The following CCDC187 variants were observed in gnomAD, a reference collection of about 807,000 sequenced individuals.
CCDC187 encodes the protein coiled-coil domain-containing protein 187.
In CCDC187, 32 loss-of-function variants were observed where a neutral mutation model predicts 38.0. That is an observed-to-expected ratio of 0.84 (90% confidence interval 0.64 to 1.13). The LOEUF (loss-of-function observed/expected upper bound fraction) is 1.13, where lower values mean the gene tolerates loss of function less well. CCDC187 is among the 50% of genes most tolerant of loss of function. The pLI, the probability that CCDC187 is intolerant of heterozygous loss-of-function variation, is 0.00. For missense variants in CCDC187, 707 were observed against 786.8 expected, an observed-to-expected ratio of 0.90 and a Z score of 1.21; for synonymous variants, 333 against 347.9, an observed-to-expected ratio of 0.96 and a Z score of 0.48.
In CCDC187 at chr9:136,253,695, C is replaced by A; in HGVS notation, c.6133G>T (p.Glu2045Ter). ...TCCTGGGTGGTGATGGCGGTGTCCT[C>A]CTCAAGGGGCCCCGAGGGCGGGGAA... ...FPSPPSGPLE[E>*]DTAITTQDLS... The change falls in exon 26 of 26, where the codon GAG (glutamate) becomes TAG (stop). Residue 2045 changes from glutamate (E) to a stop codon, truncating the protein, a stop_gained. Coordinates refer to ENST00000638797, the MANE Select transcript of CCDC187 (RefSeq NM_001378188.1). LOFTEE classifies it low-confidence loss of function (END_TRUNC). The A allele has an allele frequency of 1.0e-6, 1 of 985,560 alleles. No homozygotes were observed. The highest frequency in any genetic ancestry group is 1.2e-6 in the Non-Finnish European group (1 of 829,992). The allele number at this position is 985,560 out of a possible 1,614,324, so 61.1% of individuals were successfully genotyped here.
rs1444490582 is a variant in CCDC187, at chr9:136,303,029, G to A, written c.408C>T (p.Pro136=). The A allele has an allele frequency of 2.5e-6, 1 of 398,548 alleles. No homozygotes were observed. Among genetic ancestry groups the A allele is most frequent in the African/African-American group, 2.1e-5 (1 of 48,616 alleles). 24.7% of individuals were successfully genotyped at this position (398,548 alleles called of 1,614,324 possible). Residue 136 remains proline (P), a synonymous_variant, in exon 2 of 26, where the codon CCC becomes CCT. Coordinates refer to ENST00000638797, the MANE Select transcript of CCDC187 (RefSeq NM_001378188.1). ...DVCVSWKERP[P]QVLGPQQRPR... is the part of the protein sequence containing the mutation. ...GCCTCTGCTGGGGCCCCAACACCTG[G>A]GGTGGCCTCTCCTTCCAAGACACAC...
rs113619925 is a variant in CCDC187, at chr9:136,253,852, G to A, written c.5976C>T (p.Asp1992=). ...DVLTEILSPV[D]ELLSYGSADL... ...CGGCACTGCCGTAGGACAGCAACTC[G>A]TCCACGGGAGACAGGATCTCAGTCA... The change falls in exon 26 of 26, where the codon GAC becomes GAT. Residue 1992 remains aspartate (D), a synonymous_variant. Transcript: ENST00000638797. 32 of 985,318 alleles carry A rather than the reference G, an allele frequency of 3.2e-5. No individual in the cohort carries two copies. Among genetic ancestry groups the A allele is most frequent in the Admixed American group, 1.2e-4 (2 of 16,264 alleles). 61.0% of individuals were successfully genotyped at this position (985,318 alleles called of 1,614,324 possible). A position where few individuals can be genotyped will look rare whatever the true frequency, so the allele number is the denominator to read the frequency against.
intron 17 of CCDC187, chr9:136,265,739 T>C (rs183647282): frequency 0.014 from 2,260 of 156,334 alleles, 68 homozygotes; most frequent in African/African-American, 0.052. Context: ...CAGACACTCC[T>C]TGTGTACAGG....
rs1406517488 is a variant in CCDC187, at chr9:136,253,066, ACC to A, written c.*526_*527del. The A allele has an allele frequency of 6.6e-6, 1 of 152,372 alleles. No individual in the cohort carries two copies. Among genetic ancestry groups the A allele is most frequent in the Non-Finnish European group, 1.5e-5 (1 of 68,284 alleles). 9.4% of individuals were successfully genotyped at this position (152,372 alleles called of 1,614,324 possible). A position where few individuals can be genotyped will look rare whatever the true frequency, so the allele number is the denominator to read the frequency against. On this transcript the variant is annotated 3_prime_UTR_variant, in exon 26 of 26. Coordinates refer to ENST00000638797, the MANE Select transcript of CCDC187 (RefSeq NM_001378188.1). Reference sequence around the variant, plus strand: ...GGGGTGTGGCTGCCTTCCTGTTCTTACCCAGCATTTCTTTGGGGTCTTGGCCC... The same window carrying A: ...GGGGTGTGGCTGCCTTCCTGTTCTTACAGCATTTCTTTGGGGTCTTGGCCC...
At chr9:136,306,570 CAG>C (rs1345024840), upstream of CCDC187, among the ~76,000 whole-genome samples, 5 of 152,188 alleles carry the variant, frequency 3.3e-5, no homozygotes, top group Non-Finnish European at 7.3e-5. Flanking sequence ...GCAATCCCAC[CAG>C]AGAAAAACAG....
chr9:136,268,066 C>T lies in CCDC187; in HGVS notation c.3502G>A (p.Asp1168Asn). 5 of 985,518 alleles carry T rather than the reference C, an allele frequency of 5.1e-6. No individual in the cohort carries two copies. Among genetic ancestry groups the T allele is most frequent in the Non-Finnish European group, 6.0e-6 (5 of 829,996 alleles). The allele number at this position is 985,518 out of a possible 1,614,324, so 61.0% of individuals were successfully genotyped here. ...QLPLAKFFPP[D>N]NPTHQMLERS... ...CCACGTACCTGGTGGGTGGGGTTGT[C>T]CGGAGGGAAGAACTTGGCCAGGGGA... The change falls in exon 15 of 26, where the codon GAC becomes AAC. Residue 1168 changes from aspartate to asparagine, a missense_variant. By Grantham distance (23) the Asp-to-Asn change is conservative. Coordinates refer to ENST00000638797, the MANE Select transcript of CCDC187 (RefSeq NM_001378188.1).
chr9:136,304,935 G>A (rs983302295), upstream of CCDC187, among the ~76,000 whole-genome samples: 20 of 152,186 alleles, frequency 1.3e-4, no homozygotes, highest in Non-Finnish European at 2.5e-4. Flanking sequence ...CCTCCTCCAG[G>A]CTCACGCTAT....
At chr9:136,306,492 G>A (rs926496247), upstream of CCDC187, among the ~76,000 whole-genome samples, 5 of 152,290 alleles carry the variant, frequency 3.3e-5, no homozygotes, top group South Asian at 6.2e-4. Flanking sequence ...CTGGAAGAGC[G>A]TTCCAGGGCC....
In CCDC187 at chr9:136,257,376, T is replaced by TA. The variant is rs1830625759; in HGVS notation, c.4367-536dup. 6.8e-6 allele frequency among the ~76,000 whole-genome samples: 1 copy of TA among 147,036 alleles called. No individual in the cohort carries two copies. Among genetic ancestry groups the TA allele is most frequent in the Non-Finnish European group, 1.5e-5 (1 of 66,722 alleles). ...AGAGAGTGAGACTTTGTCTCAAAAT[T>TA]ATAATAATAATAATAATAATAATAA... On this transcript the variant is annotated intron_variant, in intron 22 of 25. Transcript: ENST00000638797. The surrounding 1 kb of genome is among the most constrained non-coding windows in gnomAD (Gnocchi z 4.5).
Position 136,265,967 on chromosome 9 carries a change from C to T in CCDC187, c.3724G>A (p.Glu1242Lys), listed in dbSNP as rs536175745. 5.6e-5 allele frequency: 55 copies of T among 985,586 alleles called. No homozygotes were observed. In the African/African-American group the frequency reaches 8.9e-4, roughly 16 times the overall value. 61.1% of individuals were successfully genotyped at this position (985,586 alleles called of 1,614,324 possible). A position where few individuals can be genotyped will look rare whatever the true frequency, so the allele number is the denominator to read the frequency against. Residue 1242 changes from glutamate (E) to lysine (K), a missense_variant, in exon 17 of 26, where the codon GAG becomes AAG. By Grantham distance (56) the Glu-to-Lys change is moderately conservative. Coordinates refer to ENST00000638797, the MANE Select transcript of CCDC187 (RefSeq NM_001378188.1). Reference sequence around the variant, plus strand: ...TGTGCTGGCCCCACCTGCTCCTTCTCCAATCTGCTGAGGGCTTGCTGCTGC... The same window carrying T: ...TGTGCTGGCCCCACCTGCTCCTTCTTCAATCTGCTGAGGGCTTGCTGCTGC... ...EKQQQALSRL[E>K]KEQREIQYLR...
intron 24 of CCDC187, 80 bp from the exon 25 acceptor site, chr9:136,255,813 C>G (rs937625554): frequency 1.4e-6 from 1 of 702,192 alleles, no homozygotes; most frequent in African/African-American, 1.9e-5. Context: ...TCAGGGACCC[C>G]ACCAGGCTCA....
At chr9:136,263,870 G>T in intron 17 of CCDC187, 72 bp from the exon 18 acceptor site, 1 of 948,298 alleles carries the variant, frequency 1.1e-6, no homozygotes, top group Non-Finnish European at 1.3e-6. Flanking sequence ...CAAAAGGGAA[G>T]GGGTGTCTGG....
chr9:136,254,625 T>C lies in CCDC187; in HGVS notation c.5203A>G (p.Lys1735Glu), dbSNP rs147723911. 0.023 allele frequency: 22,264 copies of C among 985,490 alleles called. 278 individuals are homozygous for C. Among genetic ancestry groups the C allele is most frequent in the Middle Eastern group, 0.027 (51 of 1,914 alleles). 61.0% of individuals were successfully genotyped at this position (985,490 alleles called of 1,614,324 possible). A position where few individuals can be genotyped will look rare whatever the true frequency, so the allele number is the denominator to read the frequency against. ...AEVSAPEQSPKAGWLLPFPDI... is the reference protein window; with the variant it reads ...AEVSAPEQSPEAGWLLPFPDI... The stretch of plus-strand genomic sequence containing the variant: ...GGGAAAGGCAGTAGCCAGCCTGCCT[T>C]TGGGCTTTGCTCCGGCGCTGAAACT... The change falls in exon 26 of 26, where the codon AAG (lysine) becomes GAG (glutamate). Residue 1735 changes from lysine (K) to glutamate (E), a missense_variant. Lys to Glu is a moderately conservative substitution (Grantham distance 56). Transcript: ENST00000638797.
chr9:136,305,903 G>A (rs2131377862), upstream of CCDC187, among the ~76,000 whole-genome samples: 1 of 152,322 alleles, frequency 6.6e-6, no homozygotes, highest in South Asian at 2.1e-4. Context: ...ACCAGCTGAG[G>A]CTTCCAGACG....
In CCDC187 at chr9:136,286,323, G is replaced by A; in HGVS notation, c.2595C>T (p.Cys865=). The A allele has an allele frequency of 2.5e-6, 1 of 398,650 alleles. No individual in the cohort carries two copies. Among genetic ancestry groups the A allele is most frequent in the Non-Finnish European group, 4.4e-6 (1 of 226,062 alleles). The allele number at this position is 398,650 out of a possible 1,614,324, so 24.7% of individuals were successfully genotyped here. A position where few individuals can be genotyped will look rare whatever the true frequency, so the allele number is the denominator to read the frequency against. ...TGGGGGCGGCAGGTAGGCTGTGGGG[G>A]CACGAGCGCAGCAGGCCCACAGCTG... is the stretch of plus-strand genomic sequence containing the variant. The part of the protein sequence containing the change: ...RDPAVGLLRS[C]PHSLPAAPTL... Residue 865 remains cysteine (C), a synonymous_variant, in exon 8 of 26, where the codon TGC becomes TGT. Coordinates refer to ENST00000638797, the MANE Select transcript of CCDC187 (RefSeq NM_001378188.1).
chr9:136,285,447 GTGGGC>G, intron 9 of CCDC187, 61 bp downstream of exon 9: 1 of 37,816 alleles, frequency 2.6e-5, no homozygotes, highest in East Asian at 7.8e-4. Context: ...AGGTGGGCAG[GTGGGC>G]AGGTGGGCAG....
chr9:136,262,007 G>GTCATCACTCCCCCTCCCCTGC (rs1830684679), intron 19 of CCDC187, among the ~76,000 whole-genome samples: 1 of 152,238 alleles, frequency 6.6e-6, no homozygotes, highest in Non-Finnish European at 1.5e-5. Flanking sequence ...GGTGACCCTG[G>GTCATCACTCCCCCTCCCCTGC]TCATCACTCC....
In CCDC187 at chr9:136,257,371, A is replaced by C. The variant is rs1830625396; in HGVS notation, c.4367-530T>G. ...TGGGGAGAGAGTGAGACTTTGTCTC[A>C]AAATTATAATAATAATAATAATAAT... On this transcript the variant is annotated intron_variant, in intron 22 of 25. Coordinates refer to ENST00000638797, the MANE Select transcript of CCDC187 (RefSeq NM_001378188.1). This position sits in a 1 kb window ranked among gnomAD's most constrained non-coding sequence, Gnocchi z 4.5. 8.8e-6 allele frequency among the ~76,000 whole-genome samples: 1 copy of C among 113,484 alleles called. No individual in the cohort carries two copies. The highest frequency in any genetic ancestry group is 2.7e-4 in the South Asian group (1 of 3,758). 74.4% of individuals were successfully genotyped at this position (113,484 alleles called of 152,430 possible).
intron 14 of CCDC187, among the ~76,000 whole-genome samples, chr9:136,274,374 C>A (rs1398951112): frequency 2.0e-5 from 3 of 152,240 alleles, no homozygotes; most frequent in African/African-American, 7.2e-5. Context: ...CTCAGCTCCC[C>A]AAGGCTGGGT....
Sources: gnomAD v4.1 joint callset for allele counts (sites outside exome capture counted in the v4.1 genomes callset) on GRCh38, gnomAD v4.1.1 for gene constraint, Gnocchi (gnomAD v3.1) non-coding constraint, MANE v1.5 for transcripts, NCBI Gene and HGNC (gene_info 2026-07-23, HGNC 2026-07-21) for gene names.